Variants in APBA2 observed in about 807,000 individuals in gnomAD.
APBA2 encodes amyloid beta precursor protein binding family A member 2, also known as amyloid-beta A4 precursor protein-binding family A member 2.
A neutral mutation model predicts 75.0 loss-of-function variants in APBA2; 30 were observed. The observed-to-expected ratio is 0.40, with a 90% confidence interval of 0.30 to 0.54. The LOEUF is 0.54. Ranked by LOEUF, APBA2 falls within the 20% of genes least tolerant of loss-of-function variation. APBA2 has a pLI of 0.49. For missense variants in APBA2, 801 were observed against 1,016.1 expected (o/e 0.79, Z 2.88); for synonymous variants, 444 against 409.6 (o/e 1.08, Z -1.01).
chr15:28,935,269 T>A (rs1056199591), intron 2 of APBA2, among the ~76,000 whole-genome samples: 1 of 152,206 alleles, frequency 6.6e-6, no homozygotes, highest in African/African-American at 2.4e-5. Context: ...CGTGGCCCAG[T>A]CTTTACCTGC....
intron 11 of APBA2, 26 bp from the exon 12 acceptor site, chr15:29,106,581 C>G (rs1567021067): frequency 1.2e-6 from 2 of 1,612,866 alleles, no homozygotes; most frequent in Middle Eastern, 1.7e-4. Context: ...CCGCCAGCCC[C>G]TCTCACACTG....
At chr15:29,073,121 T>A (rs998547948) in intron 4 of APBA2, among the ~76,000 whole-genome samples, 1 of 152,126 alleles carries the variant, frequency 6.6e-6, no homozygotes. Context: ...CCCAGATCCT[T>A]TAATTTTTCT....
chr15:29,066,675 T>A (rs1377201266), intron 4 of APBA2, among the ~76,000 whole-genome samples: 1 of 152,186 alleles, frequency 6.6e-6, no homozygotes, highest in Non-Finnish European at 1.5e-5. Context: ...TGCCACTGAA[T>A]TGTACACTTA....
At chr15:28,969,682 G>A (rs1251858486) in intron 2 of APBA2, among the ~76,000 whole-genome samples, 1 of 152,174 alleles carries the variant, frequency 6.6e-6, no homozygotes, top group Non-Finnish European at 1.5e-5. Context: ...GTTGGAGGTG[G>A]CCTCTGGGAG....
chr15:29,072,302 G>A (rs2042658429), intron 4 of APBA2, among the ~76,000 whole-genome samples: 1 of 152,266 alleles, frequency 6.6e-6, no homozygotes, highest in African/African-American at 2.4e-5. Context: ...CACTGTGTTG[G>A]GGAACTTTCA....
intron 1 of APBA2, among the ~76,000 whole-genome samples, chr15:28,894,987 A>G (rs1291193078): frequency 6.6e-6 from 1 of 152,098 alleles, no homozygotes; most frequent in Non-Finnish European, 1.5e-5. Context: ...TATGTTCTGT[A>G]GGAGGCGGCT....
chr15:29,086,026 A>G lies in APBA2; in HGVS notation c.1070-7049A>G, dbSNP rs111808110. On this transcript the variant is annotated intron_variant, in intron 6 of 14. Transcript: ENST00000683413. ...CTGCTTCTATTGAATAGAATATGGT[A>G]GAAGAGATGGGATATGGCTTCCAAG... Among the ~76,000 whole-genome samples the G allele has an allele frequency of 2.5e-4, 38 of 152,272 alleles. No individual in the cohort carries two copies. The South Asian group carries it at 6.2e-3, about 25-fold the overall frequency.
chr15:28,915,201 CACATAGCGCAT>C lies in APBA2; in HGVS notation c.-204-6435_-204-6425del, dbSNP rs2033627922. Among the ~76,000 whole-genome samples the C allele has an allele frequency of 1.1e-3, 9 of 7,926 alleles. No homozygotes were observed. In the East Asian group the frequency reaches 0.012, roughly 10 times the overall value. The allele number at this position is 7,926 out of a possible 152,430, so 5.2% of individuals were successfully genotyped here. On this transcript the variant is annotated intron_variant, in intron 1 of 14. Transcript: ENST00000683413. ...TACCCCATATATACCACACACCACA[CACATAGCGCAT>C]ACACACCACATACCACACATACCCC...
chr15:29,112,101 G>A (rs568397650), intron 13 of APBA2, among the ~76,000 whole-genome samples: 12 of 152,288 alleles, frequency 7.9e-5, no homozygotes, highest in East Asian at 1.9e-4. Context: ...GTGTCCTCCC[G>A]TCCTTGCCAG....
intron 2 of APBA2, among the ~76,000 whole-genome samples, chr15:28,977,957 C>T (rs2037427933): frequency 6.6e-6 from 1 of 152,164 alleles, no homozygotes. Flanking sequence ...GGCCTCGGTT[C>T]AAATCCCAGC....
chr15:29,050,167 G>T (rs1298528024), intron 3 of APBA2, among the ~76,000 whole-genome samples: 2 of 152,164 alleles, frequency 1.3e-5, no homozygotes, highest in Admixed American at 6.5e-5. Flanking sequence ...AAGGTAAAAA[G>T]AATCTGAATA....
intron 3 of APBA2, among the ~76,000 whole-genome samples, chr15:29,010,006 A>T (rs868833653): frequency 6.6e-6 from 1 of 152,120 alleles, no homozygotes; most frequent in Non-Finnish European, 1.5e-5. Flanking sequence ...ATTGTACCCA[A>T]TTACACTCCC....
chr15:28,967,453 T>C (rs2152746248), intron 2 of APBA2, among the ~76,000 whole-genome samples: 1 of 152,278 alleles, frequency 6.6e-6, no homozygotes, highest in African/African-American at 2.4e-5. Context: ...TATTTATTTA[T>C]TTTGAGATGG....
intron 2 of APBA2, among the ~76,000 whole-genome samples, chr15:28,983,586 A>G (rs531334656): frequency 6.6e-6 from 1 of 152,366 alleles, no homozygotes; most frequent in Non-Finnish European, 1.5e-5. Context: ...CATGTAATGT[A>G]GTGAACAAGG....
intron 2 of APBA2, among the ~76,000 whole-genome samples, chr15:28,943,408 A>G (rs2035348084): frequency 6.6e-6 from 1 of 152,206 alleles, no homozygotes; most frequent in African/African-American, 2.4e-5. Context: ...TGTCCATGCC[A>G]TCTCCCATCT....
intron 2 of APBA2, among the ~76,000 whole-genome samples, chr15:28,983,485 T>C (rs1158733854): frequency 6.6e-6 from 1 of 152,188 alleles, no homozygotes; most frequent in Non-Finnish European, 1.5e-5. Context: ...TACATTATTT[T>C]CTAGAGTCTC....
chr15:29,079,585 C>A (rs1349887651), intron 6 of APBA2, among the ~76,000 whole-genome samples: 1 of 152,166 alleles, frequency 6.6e-6, no homozygotes, highest in Non-Finnish European at 1.5e-5. Context: ...GGTCTGGAAT[C>A]AGCCCTGGGT....
chr15:28,979,085 CCTG>C (rs1183812440), intron 2 of APBA2, among the ~76,000 whole-genome samples: 4 of 152,206 alleles, frequency 2.6e-5, no homozygotes, highest in African/African-American at 9.6e-5. Context: ...CAAGCTGATC[CCTG>C]AGCACTGTGC....
At chr15:29,076,709 C>T (rs1418658792) in intron 6 of APBA2, among the ~76,000 whole-genome samples, 1 of 152,160 alleles carries the variant, frequency 6.6e-6, no homozygotes, top group East Asian at 1.9e-4. Flanking sequence ...GGATTTCTGT[C>T]TTTGCCAGGA....
Sources: gnomAD v4.1 joint callset for allele counts (sites outside exome capture counted in the v4.1 genomes callset) on GRCh38, gnomAD v4.1.1 for gene constraint, MANE v1.5 for transcripts, NCBI Gene and HGNC (gene_info 2026-07-23, HGNC 2026-07-21) for gene names.